Variants in ARHGAP18 observed in about 807,000 individuals in gnomAD.
ARHGAP18 encodes rho GTPase-activating protein 18.
ARHGAP18 carries 67 observed loss-of-function variants against 86.2 expected under a neutral mutation model. That is an observed-to-expected ratio of 0.78 (90% CI 0.64 to 0.95). The LOEUF is 0.95. Among genes scored for constraint, ARHGAP18 ranks in the 40% least tolerant of loss-of-function variants. The pLI, the probability that ARHGAP18 is intolerant of heterozygous loss-of-function variation, is 0.00. For missense variants in ARHGAP18, 691 were observed against 780.4 expected (o/e 0.89, Z 1.37); for synonymous variants, 283 against 280.4 (o/e 1.01, Z -0.09).
At chr6:129,590,389 T>A (rs1379353072) in intron 12 of ARHGAP18, among the ~76,000 whole-genome samples, 1 of 152,016 alleles carries the variant, frequency 6.6e-6, no homozygotes, top group Non-Finnish European at 1.5e-5. Flanking sequence ...AGTTAAGAGT[T>A]TTAATAGAGA....
In ARHGAP18 at chr6:129,608,003, C is replaced by T; in HGVS notation, c.1172G>A (p.Trp391Ter). 6.4e-7 allele frequency: 1 copy of T among 1,563,478 alleles called. No individual in the cohort carries two copies. The highest frequency in any genetic ancestry group is 2.3e-5 in the East Asian group (1 of 42,624). ...EAKFYEGTFN[W>*]ESVKQHDAAS... ...GGCATCATGCTGTTTGACACTTTCC[C>T]AATTAAAAGTCCCTTCATAAAACTT... The change falls in exon 9 of 15, where the codon TGG (tryptophan) becomes TAG (stop). Residue 391 changes from tryptophan (W) to a stop codon, truncating the protein, a stop_gained. Transcript: ENST00000368149. LOFTEE classifies it high-confidence loss of function.
intron 1 of ARHGAP18, among the ~76,000 whole-genome samples, chr6:129,691,701 T>G (rs141580314): frequency 2.0e-5 from 3 of 152,056 alleles, no homozygotes; most frequent in African/African-American, 7.2e-5. Flanking sequence ...TACCCAACAA[T>G]GGCAATAAAC....
At chr6:129,669,405 C>T (rs1774102669) in intron 1 of ARHGAP18, among the ~76,000 whole-genome samples, 2 of 151,758 alleles carry the variant, frequency 1.3e-5, no homozygotes, top group Non-Finnish European at 2.9e-5. Context: ...ATCTCCTGAT[C>T]TTGTAATCCG....
intron 1 of ARHGAP18, among the ~76,000 whole-genome samples, chr6:129,656,580 G>C (rs1311260236): frequency 6.6e-6 from 1 of 152,066 alleles, no homozygotes; most frequent in Non-Finnish European, 1.5e-5. Flanking sequence ...GGAGGCGGAG[G>C]TTGCAGTGAG....
intron 1 of ARHGAP18, among the ~76,000 whole-genome samples, chr6:129,648,450 C>T (rs936731134): frequency 6.6e-6 from 1 of 151,532 alleles, no homozygotes; most frequent in East Asian, 2.0e-4. Flanking sequence ...AGGTGTAAGC[C>T]ACTGTGCCTG....
At chr6:129,657,760 C>T (rs946022696) in intron 1 of ARHGAP18, among the ~76,000 whole-genome samples, 1 of 152,184 alleles carries the variant, frequency 6.6e-6, no homozygotes, top group African/African-American at 2.4e-5. Context: ...CAACACAGAC[C>T]CTCCTGCAGA....
chr6:129,688,170 G>A (rs769993100), intron 1 of ARHGAP18, among the ~76,000 whole-genome samples: 30 of 152,082 alleles, frequency 2.0e-4, no homozygotes, highest in African/African-American at 3.6e-4. Flanking sequence ...CAAGAGCCAC[G>A]TCAGCATCCT....
chr6:129,638,580 G>A lies in ARHGAP18; in HGVS notation c.366C>T (p.Leu122=). 6.2e-7 allele frequency: 1 copy of A among 1,614,166 alleles called. No individual in the cohort carries two copies. The highest frequency in any genetic ancestry group is 8.5e-7 in the Non-Finnish European group (1 of 1,180,022). Residue 122 remains leucine, a synonymous_variant, in exon 3 of 15, where the codon CTC becomes CTT. Coordinates refer to ENST00000368149, the MANE Select transcript of ARHGAP18 (RefSeq NM_033515.3). ...GTGGATCTCCAGCAGACTCTCCGAA[G>A]AGATTGGATAAACCGGCCTCTTTAA... The part of the protein sequence containing the change: ...EWLKEAGLSN[L]FGESAGDPQE...
At chr6:129,624,978 TA>T (rs1789313116) in intron 5 of ARHGAP18, among the ~76,000 whole-genome samples, 1 of 117,836 alleles carries the variant, frequency 8.5e-6, no homozygotes, top group African/African-American at 3.1e-5. Context: ...TATATTTATA[TA>T]TAATATATAT....
At chr6:129,619,878 C>G (rs1432822818) in intron 5 of ARHGAP18, among the ~76,000 whole-genome samples, 3 of 151,804 alleles carry the variant, frequency 2.0e-5, no homozygotes, top group Admixed American at 1.3e-4. Flanking sequence ...TACCAGTCAC[C>G]TATCTACTTA....
chr6:129,589,395 A>G (rs1788466221), intron 12 of ARHGAP18, among the ~76,000 whole-genome samples: 1 of 152,190 alleles, frequency 6.6e-6, no homozygotes, highest in South Asian at 2.1e-4. Context: ...GTATAGCAAG[A>G]ATCACCCTTA....
chr6:129,687,627 G>T (rs1252646348), intron 1 of ARHGAP18, among the ~76,000 whole-genome samples: 1 of 152,190 alleles, frequency 6.6e-6, no homozygotes, highest in East Asian at 1.9e-4. Context: ...CATACAAGGT[G>T]CCATTCTTTC....
chr6:129,596,632 C>T (rs1252996357), intron 12 of ARHGAP18, among the ~76,000 whole-genome samples: 1 of 152,152 alleles, frequency 6.6e-6, no homozygotes, highest in Admixed American at 6.5e-5. Context: ...ATTCCTGGCA[C>T]ACAGTAGGCA....
At chr6:129,606,366 A>G (rs1647944685) in intron 9 of ARHGAP18, among the ~76,000 whole-genome samples, 2 of 152,224 alleles carry the variant, frequency 1.3e-5, no homozygotes, top group Admixed American at 6.5e-5. Flanking sequence ...GAACAAATGC[A>G]TGGTAAGAGT....
intron 12 of ARHGAP18, among the ~76,000 whole-genome samples, chr6:129,597,251 C>T (rs538121077): frequency 1.3e-5 from 2 of 151,974 alleles, no homozygotes; most frequent in Admixed American, 6.6e-5. Flanking sequence ...ATTCTCCTGC[C>T]TTAGCTTCTC....
intron 1 of ARHGAP18, among the ~76,000 whole-genome samples, chr6:129,676,445 A>C (rs1774232656): frequency 6.6e-6 from 1 of 152,090 alleles, no homozygotes; most frequent in African/African-American, 2.4e-5. Flanking sequence ...AAACCATCAA[A>C]CTGTCCAAAA....
chr6:129,600,882 A>G (rs1220976173), intron 10 of ARHGAP18, 34 bp from the exon 11 acceptor site: 3 of 1,552,476 alleles, frequency 1.9e-6, no homozygotes, highest in Non-Finnish European at 2.6e-6. Flanking sequence ...GATTTGTGTC[A>G]TATATGAAGA....
intron 1 of ARHGAP18, among the ~76,000 whole-genome samples, chr6:129,660,014 T>C (rs541435135): frequency 6.6e-6 from 1 of 152,212 alleles, no homozygotes. Context: ...AGTGCGGTGA[T>C]GTAGACAGAC....
chr6:129,681,505 T>C (rs1168909149), intron 1 of ARHGAP18, among the ~76,000 whole-genome samples: 1 of 152,212 alleles, frequency 6.6e-6, no homozygotes, highest in African/African-American at 2.4e-5. Flanking sequence ...TACTTTCTTC[T>C]CTCTCCAGAT....
Sources: gnomAD v4.1 joint callset for allele counts (sites outside exome capture counted in the v4.1 genomes callset) on GRCh38, gnomAD v4.1.1 for gene constraint, MANE v1.5 for transcripts, NCBI Gene and HGNC (gene_info 2026-07-23, HGNC 2026-07-21) for gene names.